LRP1B: variants seen among roughly 807,000 people sequenced by gnomAD.
The protein encoded by LRP1B is LDL receptor related protein 1B.
In LRP1B, 217 loss-of-function variants were observed where a neutral mutation model predicts 556.6. That is an observed-to-expected ratio of 0.39 (90% CI 0.35 to 0.44). LRP1B has a LOEUF of 0.44. Among genes scored for constraint, LRP1B ranks in the 20% least tolerant of loss-of-function variants. LRP1B has a pLI of 1.00. For missense variants in LRP1B, 5,053 were observed against 5,620.8 expected (o/e 0.90, Z 3.23); for synonymous variants, 2,047 against 1,865.8 (o/e 1.10, Z -2.50).
intron 24 of LRP1B, among the ~76,000 whole-genome samples, chr2:140,885,642 C>T (rs1693612424): frequency 6.6e-6 from 1 of 152,032 alleles, no homozygotes; most frequent in Non-Finnish European, 1.5e-5. Context: ...TGAGCCACCA[C>T]ACCCGGCTAT....
rs187323335 is a variant in LRP1B, at chr2:141,960,412, G to A, written c.83-150011C>T. Among the ~76,000 whole-genome samples the A allele has an allele frequency of 6.6e-5, 10 of 151,812 alleles. No homozygotes were observed. The East Asian group carries it at 1.6e-3, about 24-fold the overall frequency. ...CTATTTCCCACATACTCCATTTCCC[G>A]ACTCAAATAGCTTTAATTCTCAGGA... On this transcript the variant is annotated intron_variant, in intron 1 of 90. Transcript: ENST00000389484.
intron 1 of LRP1B, among the ~76,000 whole-genome samples, chr2:141,828,435 C>T (rs931760281): frequency 4.6e-5 from 7 of 151,922 alleles, no homozygotes; most frequent in African/African-American, 1.5e-4. Context: ...TAAAATTTCA[C>T]TCAATATTAA....
At chr2:140,662,224 C>A (rs1303083006) in intron 41 of LRP1B, among the ~76,000 whole-genome samples, 1 of 151,916 alleles carries the variant, frequency 6.6e-6, no homozygotes, top group Non-Finnish European at 1.5e-5. Flanking sequence ...GTTCACTTGA[C>A]TACATTTGTA....
Position 140,541,093 on chromosome 2 carries a change from G to C in LRP1B, c.7393C>G (p.Leu2465Val). ...CCATTCAATAATGCACATGGAGAAA[G>C]TTCACCTACAATAAAGAGGGTGTAT... ...AVANDTNSCE[L>V]SPCALLNGGC... Residue 2465 changes from leucine to valine, a missense_variant, in exon 45 of 91, where the codon CTT (leucine) becomes GTT (valine). Physicochemically the swap from Leu to Val is conservative, Grantham distance 32. Around this residue, in one of 5 missense-constraint regions of LRP1B, gnomAD observed 3,619 missense variants for 3,931.9 expected, o/e 0.92. Coordinates refer to ENST00000389484, the MANE Select transcript of LRP1B (RefSeq NM_018557.3). 1 of 1,607,906 alleles carries C rather than the reference G, an allele frequency of 6.2e-7. No individual in the cohort carries two copies. The highest frequency in any genetic ancestry group is 1.1e-5 in the South Asian group (1 of 90,498).
At chr2:140,615,290 ATGG>A (rs764310520) in intron 41 of LRP1B, among the ~76,000 whole-genome samples, 3 of 152,004 alleles carry the variant, frequency 2.0e-5, no homozygotes, top group East Asian at 1.9e-4. Flanking sequence ...TCAACCCTCT[ATGG>A]TTTCATCCCT....
chr2:140,333,337 A>G (rs558683195), intron 79 of LRP1B, among the ~76,000 whole-genome samples: 1 of 152,198 alleles, frequency 6.6e-6, no homozygotes, highest in Non-Finnish European at 1.5e-5. Context: ...GACAGTATAT[A>G]TAAATACATA....
intron 1 of LRP1B, among the ~76,000 whole-genome samples, chr2:142,031,678 T>C (rs890363281): frequency 7.9e-5 from 12 of 151,660 alleles, no homozygotes; most frequent in Non-Finnish European, 1.5e-4. Flanking sequence ...CTCTTCCCAT[T>C]TCCCGCAGCT....
At position 141,434,446 on chromosome 2, in the gene LRP1B, T is replaced by C. The variant is rs190539458; in HGVS notation, c.343+45950A>G. 1.4e-4 allele frequency among the ~76,000 whole-genome samples: 20 copies of C among 141,958 alleles called. 1 individual carries two copies. In the East Asian group the frequency reaches 2.5e-3, roughly 18 times the overall value. The allele number at this position is 141,958 out of a possible 152,430, so 93.1% of individuals were successfully genotyped here. On this transcript the variant is annotated intron_variant, in intron 3 of 90. Transcript: ENST00000389484. ...GATTTTCCACTTGGTTCTTTTGAAA[T>C]AGTTTCTCTTTCTTATGTTTTTTTT...
At chr2:141,942,700 G>A (rs1421667920) in intron 1 of LRP1B, among the ~76,000 whole-genome samples, 1 of 152,146 alleles carries the variant, frequency 6.6e-6, no homozygotes, top group Admixed American at 6.5e-5. Flanking sequence ...TTGTGCAGCA[G>A]TTTCCAAAAC....
At chr2:141,833,654 A>G (rs1038165520) in intron 1 of LRP1B, among the ~76,000 whole-genome samples, 8 of 151,882 alleles carry the variant, frequency 5.3e-5, no homozygotes, top group African/African-American at 1.9e-4. Flanking sequence ...ATTACAATGC[A>G]CATTGCCAAG....
chr2:140,330,333 T>C (rs1277938330), intron 79 of LRP1B, among the ~76,000 whole-genome samples: 4 of 151,672 alleles, frequency 2.6e-5, no homozygotes, highest in Non-Finnish European at 4.4e-5. Flanking sequence ...CAAACTATAC[T>C]ACAAGGCTAT....
At chr2:140,865,633 C>T (rs1482054782) in intron 27 of LRP1B, among the ~76,000 whole-genome samples, 3 of 151,916 alleles carry the variant, frequency 2.0e-5, no homozygotes, top group Non-Finnish European at 4.4e-5. Flanking sequence ...TCTGATCACT[C>T]TCAAAATTGC....
At chr2:140,492,799 G>A in intron 56 of LRP1B, 106 bp from the exon 57 acceptor site, 1 of 759,630 alleles carries the variant, frequency 1.3e-6, no homozygotes, top group South Asian at 1.6e-5. Flanking sequence ...ATGCAGTGCT[G>A]ATCTGGTAGC....
chr2:141,775,588 A>G (rs1335329781), intron 2 of LRP1B, among the ~76,000 whole-genome samples: 3 of 152,200 alleles, frequency 2.0e-5, no homozygotes, highest in Admixed American at 6.5e-5. Flanking sequence ...AGATTGAAAT[A>G]TAGGTGCACT....
chr2:141,798,885 A>G (rs543286252), intron 2 of LRP1B, among the ~76,000 whole-genome samples: 27 of 152,002 alleles, frequency 1.8e-4, no homozygotes, highest in African/African-American at 6.5e-4. Flanking sequence ...ATGAGGTTTT[A>G]TGGGTGGGCC....
At chr2:141,573,273 A>T (rs1486149519) in intron 2 of LRP1B, among the ~76,000 whole-genome samples, 1 of 152,200 alleles carries the variant, frequency 6.6e-6, no homozygotes, top group African/African-American at 2.4e-5. Context: ...TCTAATTCAA[A>T]TTCAGAATTA....
At chr2:141,683,998 G>A (rs554827034) in intron 2 of LRP1B, among the ~76,000 whole-genome samples, 12 of 152,168 alleles carry the variant, frequency 7.9e-5, no homozygotes, top group Non-Finnish European at 1.6e-4. Flanking sequence ...TGGTGGTAGT[G>A]TAAATTAGTT....
intron 1 of LRP1B, among the ~76,000 whole-genome samples, chr2:141,866,678 A>C (rs1379430865): frequency 8.5e-5 from 13 of 152,086 alleles, no homozygotes; most frequent in Non-Finnish European, 1.9e-4. Context: ...TTAGAACCTA[A>C]CACAGCTCTA....
intron 2 of LRP1B, among the ~76,000 whole-genome samples, chr2:141,738,854 C>T (rs1429760725): frequency 1.3e-5 from 2 of 152,050 alleles, no homozygotes; most frequent in Non-Finnish European, 2.9e-5. Context: ...GAAATGCCCA[C>T]ATTTGTAAAA....
Sources: allele counts gnomAD v4.1 joint callset (sites outside exome capture counted in the v4.1 genomes callset), GRCh38; gene constraint gnomAD v4.1.1; regional missense constraint gnomAD v4.1.1; transcripts MANE v1.5; gene names NCBI Gene and HGNC (gene_info 2026-07-23, HGNC 2026-07-21).